Variants in BCL11B observed in about 807,000 individuals in gnomAD.
BCL11B encodes the protein BCL11 transcription factor B.
BCL11B carries 8 observed loss-of-function variants against 49.9 expected under a neutral mutation model. That is an observed-to-expected ratio of 0.16 (90% confidence interval 0.09 to 0.29). BCL11B has a LOEUF of 0.29. BCL11B is among the 10% of genes least tolerant of loss of function. The pLI, the probability that BCL11B is intolerant of heterozygous loss-of-function variation, is 1.00. For missense variants in BCL11B, 1,006 were observed against 1,351.0 expected, an observed-to-expected ratio of 0.74 and a Z score of 4.00; for synonymous variants, 739 against 637.4, an observed-to-expected ratio of 1.16 and a Z score of -2.40.
rs1888914223 is a variant in BCL11B at position 99,248,583 on chromosome 14, C to T, written c.427+8888G>A. Among the ~76,000 whole-genome samples, 1 of 152,208 alleles carries T rather than the reference C, an allele frequency of 6.6e-6. No individual in the cohort carries two copies. Among genetic ancestry groups the T allele is most frequent in the South Asian group, 2.1e-4 (1 of 4,830 alleles). Reference sequence around the variant, plus strand: ...GGCTCTGAGCTTCAACTGTTTACCTCACGGTGAGTGGACCAAATTCTCCCA... The same window carrying T: ...GGCTCTGAGCTTCAACTGTTTACCTTACGGTGAGTGGACCAAATTCTCCCA... On this transcript the variant is annotated intron_variant, in intron 2 of 3. Transcript: ENST00000357195. This position sits in a 1 kb window ranked among gnomAD's most constrained non-coding sequence, Gnocchi z 4.7.
At chr14:99,179,265 G>C (rs1026447969) in intron 3 of BCL11B, among the ~76,000 whole-genome samples, 6 of 152,106 alleles carry the variant, frequency 3.9e-5, no homozygotes, top group African/African-American at 1.4e-4. Context: ...CTTGAGGTCA[G>C]GAGTTCAAGA....
rs1297721430 is a variant in BCL11B, at chr14:99,169,666, T to G, written c.*4485A>C. 4.6e-6 allele frequency: 1 copy of G among 217,278 alleles called. No homozygotes were observed. Among genetic ancestry groups the G allele is most frequent in the Non-Finnish European group, 9.3e-6 (1 of 107,774 alleles). 13.5% of individuals were successfully genotyped at this position (217,278 alleles called of 1,614,324 possible). Reference sequence around the variant, plus strand: ...TAATAAAAATATTTTGCCTTGCCAGTACAAATGCAAACAACTTAAATCAAT... The same window carrying G: ...TAATAAAAATATTTTGCCTTGCCAGGACAAATGCAAACAACTTAAATCAAT... On this transcript the variant is annotated 3_prime_UTR_variant, in exon 4 of 4. Transcript: ENST00000357195.
intron 3 of BCL11B, among the ~76,000 whole-genome samples, chr14:99,196,277 G>A (rs866276942): frequency 2.0e-5 from 3 of 152,126 alleles, no homozygotes; most frequent in Non-Finnish European, 1.5e-5. Flanking sequence ...GGGAGGAAAG[G>A]TTCCAAAGTT....
At chr14:99,269,272 C>T (rs1889577861) in intron 1 of BCL11B, among the ~76,000 whole-genome samples, 1 of 151,956 alleles carries the variant, frequency 6.6e-6, no homozygotes, top group Admixed American at 6.6e-5. Context: ...TAACAACCAC[C>T]CCATCTAAAG....
At chr14:99,259,005 C>G (rs1595081691) in intron 1 of BCL11B, among the ~76,000 whole-genome samples, 1 of 151,778 alleles carries the variant, frequency 6.6e-6, no homozygotes, top group South Asian at 2.1e-4. Context: ...ACTCGGCAGC[C>G]AAAAGTGTCA....
At chr14:99,263,373 C>A (rs983021815) in intron 1 of BCL11B, among the ~76,000 whole-genome samples, 1 of 152,160 alleles carries the variant, frequency 6.6e-6, no homozygotes. Flanking sequence ...GGAAGGCGGC[C>A]GGTGCAAAAC....
intron 2 of BCL11B, among the ~76,000 whole-genome samples, chr14:99,238,569 A>C (rs927074925): frequency 6.6e-6 from 1 of 152,194 alleles, no homozygotes; most frequent in Non-Finnish European, 1.5e-5. Flanking sequence ...TCCCTCAGCC[A>C]TCTTCTGTGA....
chr14:99,213,013 C>T lies in BCL11B; in HGVS notation c.640+18332G>A, dbSNP rs1387865174. 6.6e-6 allele frequency among the ~76,000 whole-genome samples: 1 copy of T among 152,172 alleles called. No homozygotes were observed. The highest frequency in any genetic ancestry group is 6.5e-5 in the Admixed American group (1 of 15,280). ...AATAACATCACTGAGGGAACAAAAC[C>T]AAGCCTGTCTCCACCTTCACCTGAG... On this transcript the variant is annotated intron_variant, in intron 3 of 3. Transcript: ENST00000357195. This position sits in a 1 kb window ranked among gnomAD's most constrained non-coding sequence, Gnocchi z 5.1.
intron 3 of BCL11B, among the ~76,000 whole-genome samples, chr14:99,181,310 G>A (rs773120615): frequency 2.0e-5 from 3 of 152,206 alleles, no homozygotes; most frequent in Non-Finnish European, 4.4e-5. Flanking sequence ...TACACTAGGC[G>A]TGGCATTTCC....
chr14:99,181,626 T>C (rs1041468466), intron 3 of BCL11B, among the ~76,000 whole-genome samples: 4 of 152,192 alleles, frequency 2.6e-5, no homozygotes, highest in African/African-American at 4.8e-5. Flanking sequence ...TGATGTTTGG[T>C]TGGAACCCGG....
Position 99,176,070 on chromosome 14 carries a change from T to A in BCL11B, c.766A>T (p.Ser256Cys). 6.2e-7 allele frequency: 1 copy of A among 1,604,886 alleles called. No individual in the cohort carries two copies. Among genetic ancestry groups the A allele is most frequent in the South Asian group, 1.1e-5 (1 of 90,450 alleles). Residue 256 changes from serine (S) to cysteine (C), a missense_variant, in exon 4 of 4, where the codon AGC becomes TGC. Around this residue, in one of 6 missense-constraint regions of BCL11B, gnomAD observed 411 missense variants for 542.2 expected, o/e 0.76. Transcript: ENST00000357195. The stretch of plus-strand genomic sequence containing the variant: ...GTGAGCCGCGGCGTGAGCGAGCTGC[T>A]GGCCGGCCCGGGCTCCAGGTAGATG... ...FRIYLEPGPA[S>C]SSLTPRLTIP...
At chr14:99,219,579 A>G (rs965775614) in intron 3 of BCL11B, among the ~76,000 whole-genome samples, 2 of 152,106 alleles carry the variant, frequency 1.3e-5, no homozygotes, top group African/African-American at 4.8e-5. Context: ...AGACCCCACA[A>G]GGCTCAGAGA....
At chr14:99,255,431 A>AAAAC (rs1566831840) in intron 2 of BCL11B, among the ~76,000 whole-genome samples, 3 of 111,372 alleles carry the variant, frequency 2.7e-5, no homozygotes, top group Admixed American at 1.0e-4. Context: ...AAAAAAAAAA[A>AAAAC]AAAACAGGGG....
intron 3 of BCL11B, among the ~76,000 whole-genome samples, chr14:99,176,715 A>G (rs1345390512): frequency 6.6e-6 from 1 of 152,082 alleles, no homozygotes; most frequent in African/African-American, 2.4e-5. Flanking sequence ...GATGTTTAGC[A>G]ACATCCTCTG....
chr14:99,174,010 T>G lies in BCL11B; in HGVS notation c.*141A>C. 1.1e-5 allele frequency: 8 copies of G among 743,450 alleles called. No individual in the cohort carries two copies. Among genetic ancestry groups the G allele is most frequent in the South Asian group, 1.8e-5 (1 of 56,552 alleles). 46.1% of individuals were successfully genotyped at this position (743,450 alleles called of 1,614,324 possible). A position where few individuals can be genotyped will look rare whatever the true frequency, so the allele number is the denominator to read the frequency against. On this transcript the variant is annotated 3_prime_UTR_variant, in exon 4 of 4. Coordinates refer to ENST00000357195, the MANE Select transcript of BCL11B (RefSeq NM_138576.4). Reference sequence around the variant, plus strand: ...TTCCATAGGACTTCGCAGACACAGGTTAGGTTGGAGTGCCGCCTCCCCTGG... The same window carrying G: ...TTCCATAGGACTTCGCAGACACAGGGTAGGTTGGAGTGCCGCCTCCCCTGG...
Position 99,257,086 on chromosome 14 carries a change from T to C in BCL11B, c.427+385A>G, listed in dbSNP as rs1284540413. On this transcript the variant is annotated intron_variant, in intron 2 of 3. Transcript: ENST00000357195. This position sits in a 1 kb window ranked among gnomAD's most constrained non-coding sequence, Gnocchi z 6.2. The stretch of plus-strand genomic sequence containing the variant: ...TTTCACAGATGGGCAAACTAACATG[T>C]CCAAGTTGTGAAGACAAACTCTAAC... Among the ~76,000 whole-genome samples, 1 of 152,110 alleles carries C rather than the reference T, an allele frequency of 6.6e-6. No homozygotes were observed. The highest frequency in any genetic ancestry group is 1.5e-5 in the Non-Finnish European group (1 of 68,018).
rs1410049721 is a variant in BCL11B, at chr14:99,231,679, C to T, written c.428-122G>A. On this transcript the variant is annotated intron_variant, in intron 2 of 3. Coordinates refer to ENST00000357195, the MANE Select transcript of BCL11B (RefSeq NM_138576.4). This position sits in a 1 kb window ranked among gnomAD's most constrained non-coding sequence, Gnocchi z 8.1. ...GGCCACCCTTCGGGGGTGGGAGGCCCCCGGGGTGCCAGGCCCTGCAGGGAA... is the reference window on the plus strand; with the variant it reads ...GGCCACCCTTCGGGGGTGGGAGGCCTCCGGGGTGCCAGGCCCTGCAGGGAA... 1.9e-5 allele frequency: 20 copies of T among 1,043,394 alleles called. No homozygotes were observed. The highest frequency in any genetic ancestry group is 2.6e-5 in the Non-Finnish European group (19 of 719,048). 64.6% of individuals were successfully genotyped at this position (1,043,394 alleles called of 1,614,324 possible). A position where few individuals can be genotyped will look rare whatever the true frequency, so the allele number is the denominator to read the frequency against.
At chr14:99,181,823 C>T (rs1886712526) in intron 3 of BCL11B, among the ~76,000 whole-genome samples, 2 of 152,226 alleles carry the variant, frequency 1.3e-5, no homozygotes, top group South Asian at 4.1e-4. Context: ...CCACTCTGGA[C>T]TTCAGGGTAC....
In BCL11B at chr14:99,176,023, C is replaced by G. The variant is rs1152783; in HGVS notation, c.813G>C (p.Pro271=). The change falls in exon 4 of 4, where the codon CCG becomes CCC. Residue 271 remains proline (P), a synonymous_variant. Coordinates refer to ENST00000357195, the MANE Select transcript of BCL11B (RefSeq NM_138576.4). ...TGAGCGGGGACTGCGCCACGGCCTC[C>G]GGCCCGAGCGGCGGCGGGATGGTGA... The part of the protein sequence containing the change: ...PRLTIPPPLG[P]EAVAQSPLMN... The G allele has an allele frequency of 0.2, 318,453 of 1,571,932 alleles. 33,943 individuals carry two copies. Among genetic ancestry groups the G allele is most frequent in the Admixed American group, 0.36 (19,358 of 54,044 alleles).
Sources: gnomAD v4.1 joint callset for allele counts (sites outside exome capture counted in the v4.1 genomes callset) on GRCh38, gnomAD v4.1.1 for gene constraint, gnomAD v4.1.1 regional missense constraint, Gnocchi (gnomAD v3.1) non-coding constraint, MANE v1.5 for transcripts, NCBI Gene and HGNC (gene_info 2026-07-23, HGNC 2026-07-21) for gene names.